Variants in MKX observed in about 807,000 individuals in gnomAD.
MKX encodes homeobox protein Mohawk.
Under a neutral mutation model 36.0 loss-of-function variants are expected in MKX, and 13 were observed. That is an observed-to-expected ratio of 0.36 (90% CI 0.24 to 0.57). MKX has a LOEUF of 0.57. Among genes scored for constraint, MKX ranks in the 20% least tolerant of loss-of-function variants. The pLI, the probability that MKX is intolerant of heterozygous loss-of-function variation, is 0.79. For missense variants in MKX, 458 were observed against 456.4 expected (o/e 1.00, Z -0.03); for synonymous variants, 176 against 178.3 (o/e 0.99, Z 0.10).
intron 5 of MKX, among the ~76,000 whole-genome samples, chr10:27,693,120 G>T (rs949842281): frequency 2.0e-5 from 3 of 152,162 alleles, no homozygotes; most frequent in African/African-American, 7.2e-5. Context: ...TGCTAACGGT[G>T]GCCATCTGAA....
Position 27,735,237 on chromosome 10 carries a change from A to T in MKX, c.486T>A (p.Asp162Glu). 6.3e-7 allele frequency: 1 copy of T among 1,595,836 alleles called. No individual in the cohort carries two copies. The highest frequency in any genetic ancestry group is 8.5e-7 in the Non-Finnish European group (1 of 1,172,546). The change falls in exon 4 of 7, where the codon GAT (aspartate) becomes GAA (glutamate). Residue 162 changes from aspartate (D) to glutamate (E), a missense_variant. Asp to Glu is a conservative substitution (Grantham distance 45). Around this residue, in one of 3 missense-constraint regions of MKX, gnomAD observed 297 missense variants for 304.4 expected, o/e 0.98. Coordinates refer to ENST00000419761, the MANE Select transcript of MKX (RefSeq NM_173576.3). ...TTAACAAACCTTCAGAACATGAGTC[A>T]TCACTGCTTACGCTAAGCCGTTCAG... ...GNAERLSVSS[D>E]DSCSEDGENP...
At chr10:27,706,943 C>T (rs1171357325) in intron 5 of MKX, among the ~76,000 whole-genome samples, 3 of 152,200 alleles carry the variant, frequency 2.0e-5, no homozygotes, top group Non-Finnish European at 4.4e-5. Context: ...TTCTGTGTGG[C>T]ATTTTGCACA....
At chr10:27,719,788 C>A (rs1834334574) in intron 5 of MKX, among the ~76,000 whole-genome samples, 1 of 152,052 alleles carries the variant, frequency 6.6e-6, no homozygotes, top group Non-Finnish European at 1.5e-5. Flanking sequence ...AGTTTGAGAG[C>A]AGCCTGGGCA....
intron 5 of MKX, among the ~76,000 whole-genome samples, chr10:27,733,157 T>C (rs1834670504): frequency 6.6e-6 from 1 of 152,218 alleles, no homozygotes; most frequent in African/African-American, 2.4e-5. Flanking sequence ...TTTGTTTTTA[T>C]TGTTGGAGTT....
At chr10:27,683,815 C>T (rs1299558623) in intron 5 of MKX, among the ~76,000 whole-genome samples, 1 of 152,066 alleles carries the variant, frequency 6.6e-6, no homozygotes, top group Non-Finnish European at 1.5e-5. Context: ...ATAAAACCTC[C>T]CTGAAGATTC....
Position 27,735,214 on chromosome 10 carries a change from A to G in MKX, c.502+7T>C, listed in dbSNP as rs765614697. Reference sequence around the variant, plus strand: ...ACAAAGAAAGCAAAATAAAAATATTAACAAACCTTCAGAACATGAGTCATC... The same window carrying G: ...ACAAAGAAAGCAAAATAAAAATATTGACAAACCTTCAGAACATGAGTCATC... On this transcript the variant is annotated splice_region_variant and intron_variant, in intron 4 of 6. Transcript: ENST00000419761. The G allele has an allele frequency of 6.5e-7, 1 of 1,535,160 alleles. No homozygotes were observed. The highest frequency in any genetic ancestry group is 8.8e-7 in the Non-Finnish European group (1 of 1,142,574).
intron 5 of MKX, among the ~76,000 whole-genome samples, chr10:27,707,120 C>A (rs534162667): frequency 6.8e-6 from 1 of 147,818 alleles, no homozygotes; most frequent in Non-Finnish European, 1.5e-5. Flanking sequence ...TATTAGGATG[C>A]TAAACTGTCA....
At chr10:27,682,024 G>A (rs527901689) in intron 5 of MKX, among the ~76,000 whole-genome samples, 17 of 152,294 alleles carry the variant, frequency 1.1e-4, no homozygotes, top group Admixed American at 7.2e-4. Flanking sequence ...AGCTCCATGC[G>A]TGTTATTGCC....
chr10:27,683,212 G>A (rs1403811887), intron 5 of MKX, among the ~76,000 whole-genome samples: 1 of 152,134 alleles, frequency 6.6e-6, no homozygotes, highest in Non-Finnish European at 1.5e-5. Flanking sequence ...CGGGGATGGG[G>A]GGGCCCCTGT....
chr10:27,730,583 G>A (rs545590570), intron 5 of MKX, among the ~76,000 whole-genome samples: 1 of 150,710 alleles, frequency 6.6e-6, no homozygotes, highest in African/African-American at 2.4e-5. Context: ...TCAGCCTCCC[G>A]AGTAGCTGGG....
intron 5 of MKX, chr10:27,718,416 TATTAAA>T (rs1837002575): frequency 5.4e-6 from 1 of 183,810 alleles, no homozygotes; most frequent in Non-Finnish European, 1.2e-5. Flanking sequence ...TAGCGAAAAT[TATTAAA>T]ATAACCCAAG....
intron 5 of MKX, chr10:27,718,540 CT>C: frequency 2.4e-6 from 1 of 410,914 alleles, no homozygotes; most frequent in Non-Finnish European, 4.9e-6. Context: ...TTCTTAGCTC[CT>C]TGTTTTTACT....
intron 5 of MKX, among the ~76,000 whole-genome samples, chr10:27,693,005 G>A (rs1446138119): frequency 6.6e-6 from 1 of 152,198 alleles, no homozygotes; most frequent in Non-Finnish European, 1.5e-5. Context: ...TTGTGATGGA[G>A]GATAGAGAGG....
At chr10:27,730,017 T>C (rs1589690890) in intron 5 of MKX, among the ~76,000 whole-genome samples, 1 of 151,860 alleles carries the variant, frequency 6.6e-6, no homozygotes, top group Non-Finnish European at 1.5e-5. Flanking sequence ...GGAAATTCAC[T>C]CAGTCAAACA....
chr10:27,684,494 C>A (rs1424888373), intron 5 of MKX, among the ~76,000 whole-genome samples: 1 of 152,080 alleles, frequency 6.6e-6, no homozygotes, highest in East Asian at 1.9e-4. Flanking sequence ...GAATGTATGG[C>A]CTTCCAAACA....
intron 5 of MKX, among the ~76,000 whole-genome samples, chr10:27,724,854 T>C (rs1757216266): frequency 6.6e-6 from 1 of 151,422 alleles, no homozygotes; most frequent in African/African-American, 2.4e-5. Context: ...CCATTTCTAT[T>C]TCCCATAATA....
At chr10:27,731,372 A>G (rs1834625900) in intron 5 of MKX, among the ~76,000 whole-genome samples, 1 of 152,154 alleles carries the variant, frequency 6.6e-6, no homozygotes, top group Admixed American at 6.5e-5. Flanking sequence ...AGAGAAAACC[A>G]TAGCAGTTGC....
chr10:27,728,976 AC>A (rs889913968), intron 5 of MKX, among the ~76,000 whole-genome samples: 1 of 152,192 alleles, frequency 6.6e-6, no homozygotes, highest in Non-Finnish European at 1.5e-5. Context: ...CCAAATGGAT[AC>A]TACCTCCCAG....
At chr10:27,723,238 C>T (rs1834418638) in intron 5 of MKX, among the ~76,000 whole-genome samples, 1 of 152,062 alleles carries the variant, frequency 6.6e-6, no homozygotes, top group Non-Finnish European at 1.5e-5. Flanking sequence ...GCTAGAGTCC[C>T]CATGGGTTGC....
Sources: allele counts gnomAD v4.1 joint callset (sites outside exome capture counted in the v4.1 genomes callset), GRCh38; gene constraint gnomAD v4.1.1; regional missense constraint gnomAD v4.1.1; transcripts MANE v1.5; gene names NCBI Gene and HGNC (gene_info 2026-07-23, HGNC 2026-07-21).